HLCS: variants seen among roughly 807,000 people sequenced by gnomAD.
The protein encoded by HLCS is biotin--protein ligase.
In HLCS, 53 loss-of-function variants were observed where a neutral mutation model predicts 75.0. That is an observed-to-expected ratio of 0.71 (90% CI 0.57 to 0.89). The LOEUF is 0.89. Ranked by LOEUF, HLCS falls within the 40% of genes least tolerant of loss-of-function variation. The pLI is 0.00. For missense variants in HLCS, 966 were observed against 1,074.0 expected (o/e 0.90, Z 1.41); for synonymous variants, 431 against 428.6 (o/e 1.01, Z -0.07).
intron 5 of HLCS, among the ~76,000 whole-genome samples, chr21:36,898,089 A>G (rs2065084315): frequency 6.6e-6 from 1 of 152,170 alleles, no homozygotes; most frequent in Admixed American, 6.5e-5. Context: ...ATCAACCTTT[A>G]AAACTCACAT....
At chr21:36,886,909 T>G (rs1184071099) in intron 6 of HLCS, among the ~76,000 whole-genome samples, 1 of 152,104 alleles carries the variant, frequency 6.6e-6, no homozygotes, top group Non-Finnish European at 1.5e-5. Context: ...GGAGGATCAT[T>G]TGAGGTCAGG....
intron 3 of HLCS, 140 bp downstream of exon 3, chr21:36,938,692 G>C: frequency 1.2e-6 from 1 of 806,226 alleles, no homozygotes; most frequent in Non-Finnish European, 2.1e-6. Flanking sequence ...TTTTTTTGGA[G>C]ATAGGGGTCT....
intron 6 of HLCS, among the ~76,000 whole-genome samples, chr21:36,875,768 G>A (rs1815755233): frequency 6.6e-6 from 1 of 152,226 alleles, no homozygotes; most frequent in African/African-American, 2.4e-5. Context: ...GCCCAATGGT[G>A]GAACTAAGAG....
chr21:36,903,931 T>C (rs1037051798), intron 5 of HLCS, among the ~76,000 whole-genome samples: 5 of 152,058 alleles, frequency 3.3e-5, no homozygotes, highest in African/African-American at 9.7e-5. Flanking sequence ...GATTGGTGGC[T>C]TTATAAGAAG....
intron 1 of HLCS, among the ~76,000 whole-genome samples, chr21:36,988,100 A>G (rs1436170587): frequency 1.3e-5 from 2 of 152,190 alleles, no homozygotes; most frequent in African/African-American, 4.8e-5. Flanking sequence ...AAACATTAAC[A>G]TGTTTTGAAA....
chr21:36,884,949 T>A (rs755435485), intron 6 of HLCS, among the ~76,000 whole-genome samples: 7 of 152,086 alleles, frequency 4.6e-5, no homozygotes, highest in African/African-American at 9.7e-5. Flanking sequence ...CACTGCAGAT[T>A]TGGCTCTTTT....
intron 5 of HLCS, among the ~76,000 whole-genome samples, chr21:36,901,207 C>T (rs2065223633): frequency 6.6e-6 from 1 of 151,980 alleles, no homozygotes; most frequent in African/African-American, 2.4e-5. Flanking sequence ...CATGCCACTG[C>T]ATTCCAGCCT....
At chr21:36,806,989 T>C (rs1470283394) in intron 6 of HLCS, among the ~76,000 whole-genome samples, 1 of 152,216 alleles carries the variant, frequency 6.6e-6, no homozygotes, top group Admixed American at 6.5e-5. Flanking sequence ...GGTGCCCCAG[T>C]AGCTGCTAAT....
intron 6 of HLCS, among the ~76,000 whole-genome samples, chr21:36,795,280 T>C (rs2060993771): frequency 6.6e-6 from 1 of 152,176 alleles, no homozygotes; most frequent in South Asian, 2.1e-4. Context: ...CGCTTCGTCT[T>C]CTGCGAGGAC....
At chr21:36,953,033 G>C (rs192678401) in intron 2 of HLCS, among the ~76,000 whole-genome samples, 1 of 152,190 alleles carries the variant, frequency 6.6e-6, no homozygotes, top group Non-Finnish European at 1.5e-5. Context: ...GACCAAGGGG[G>C]CTATGTGACA....
intron 6 of HLCS, among the ~76,000 whole-genome samples, chr21:36,827,783 A>T: frequency 6.7e-6 from 1 of 148,456 alleles, no homozygotes; most frequent in Non-Finnish European, 1.5e-5. Context: ...GTACCCCCAA[A>T]CTCAGTGGTA....
chr21:36,940,800 T>C (rs1271071146), intron 2 of HLCS, among the ~76,000 whole-genome samples: 1 of 152,190 alleles, frequency 6.6e-6, no homozygotes, highest in African/African-American at 2.4e-5. Flanking sequence ...CCAAATTTCA[T>C]CTCGAACTGT....
At chr21:36,885,349 A>T (rs1166669983) in intron 6 of HLCS, among the ~76,000 whole-genome samples, 1 of 152,016 alleles carries the variant, frequency 6.6e-6, no homozygotes, top group African/African-American at 2.4e-5. Context: ...CTCTACAAAA[A>T]ATTTAAAAAT....
chr21:36,869,062 A>G (rs2146219882), intron 6 of HLCS, among the ~76,000 whole-genome samples: 1 of 152,278 alleles, frequency 6.6e-6, no homozygotes, highest in Admixed American at 6.5e-5. Context: ...CTTTTTTTCA[A>G]TGACCTGAGT....
At chr21:36,768,522 G>T (rs558971505) in intron 6 of HLCS, among the ~76,000 whole-genome samples, 1 of 152,218 alleles carries the variant, frequency 6.6e-6, no homozygotes, top group African/African-American at 2.4e-5. Context: ...TCCGTCTGAC[G>T]GCGCATGCAG....
intron 5 of HLCS, among the ~76,000 whole-genome samples, chr21:36,901,279 G>A (rs2065227298): frequency 6.6e-6 from 1 of 151,998 alleles, no homozygotes; most frequent in Admixed American, 6.6e-5. Context: ...AAAATCCCTT[G>A]AAAACAATGA....
intron 1 of HLCS, among the ~76,000 whole-genome samples, chr21:36,983,645 G>A (rs2069169942): frequency 6.6e-6 from 1 of 151,756 alleles, no homozygotes; most frequent in Non-Finnish European, 1.5e-5. Context: ...AGACCATCCT[G>A]GTTAACATGG....
intron 6 of HLCS, among the ~76,000 whole-genome samples, chr21:36,804,509 C>T (rs1354987471): frequency 6.6e-6 from 1 of 152,190 alleles, no homozygotes; most frequent in African/African-American, 2.4e-5. Flanking sequence ...AATTACCCAC[C>T]ATGACCTAGG....
rs200568347 is a variant in HLCS at position 36,765,053 on chromosome 21, C to A, written c.2080G>T (p.Val694Leu). 3.7e-6 allele frequency: 6 copies of A among 1,614,188 alleles called. No individual in the cohort carries two copies. In the South Asian group the frequency reaches 6.6e-5, roughly 18 times the overall value. The change falls in exon 8 of 11, where the codon GTG (valine) becomes TTG (leucine). Residue 694 changes from valine (V) to leucine (L), a missense_variant. Transcript: ENST00000674895. Reference protein sequence around the residue: ...RIPFVQHLMSVAVVEAVRSIP... With the variant: ...RIPFVQHLMSLAVVEAVRSIP... ...GACCTCACTGCTTCCACGACAGCCA[C>A]GGACATCAGATGCTGGACAAACGGG...
Sources: allele counts gnomAD v4.1 joint callset (sites outside exome capture counted in the v4.1 genomes callset), GRCh38; gene constraint gnomAD v4.1.1; transcripts MANE v1.5; gene names NCBI Gene and HGNC (gene_info 2026-07-23, HGNC 2026-07-21).